ITPK1: variants seen among roughly 807,000 people sequenced by gnomAD.
ITPK1 encodes the protein inositol 1,3,4-trisphosphate 5/6-kinase.
A neutral mutation model predicts 45.3 loss-of-function variants in ITPK1; 21 were observed. The observed-to-expected ratio is 0.46, with a 90% CI of 0.33 to 0.67. The LOEUF is 0.67. Among genes scored for constraint, ITPK1 ranks in the 30% least tolerant of loss-of-function variants. ITPK1 has a pLI of 0.02. For synonymous variants in ITPK1, 258 were observed against 253.6 expected, an observed-to-expected ratio of 1.02 and a Z score of -0.16; for missense variants, 474 against 573.5, an observed-to-expected ratio of 0.83 and a Z score of 1.77.
chr14:93,055,352 C>A (rs1168947844), intron 3 of ITPK1, among the ~76,000 whole-genome samples: 1 of 152,156 alleles, frequency 6.6e-6, no homozygotes, highest in Non-Finnish European at 1.5e-5. Context: ...GCCAAAGGGT[C>A]AGCATCTCCT....
rs1891070293 is a variant in ITPK1, at chr14:93,072,691, TG to T, written c.120+3903del. 2.0e-5 allele frequency among the ~76,000 whole-genome samples: 3 copies of T among 151,870 alleles called. No individual in the cohort carries two copies. In the South Asian group the frequency reaches 6.2e-4, roughly 32 times the overall value. On this transcript the variant is annotated intron_variant, in intron 3 of 10. Transcript: ENST00000267615. Reference sequence around the variant, plus strand: ...GTGCAGTGGCACGATCTCAGTTCACTGCAGCCTCGACCTCCTGGGTTCAAGT... The same window carrying T: ...GTGCAGTGGCACGATCTCAGTTCACTCAGCCTCGACCTCCTGGGTTCAAGT...
rs1471615483 is a variant in ITPK1, at chr14:92,941,664, G to C, written c.1142C>G (p.Thr381Ser). 1 of 1,540,462 alleles carries C rather than the reference G, an allele frequency of 6.5e-7. No homozygotes were observed. The highest frequency in any genetic ancestry group is 8.7e-7 in the Non-Finnish European group (1 of 1,145,520). The change falls in exon 11 of 11, where the codon ACC becomes AGC. Residue 381 changes from threonine (T) to serine (S), a missense_variant. Transcript: ENST00000267615. ...PWKAEADAGGTAKLPHQRLGC... is the reference protein window; with the variant it reads ...PWKAEADAGGSAKLPHQRLGC... ...GAGTCTCTGGTGCGGCAGCTTGGCG[G>C]TGCCGCCCGCGTCGGCCTCAGCCTT...
chr14:93,100,355 C>T (rs574265382), intron 2 of ITPK1, among the ~76,000 whole-genome samples: 1 of 152,242 alleles, frequency 6.6e-6, no homozygotes, highest in South Asian at 2.1e-4. Flanking sequence ...AATGCTAAAA[C>T]CACCACCCTC....
chr14:93,062,638 G>C (rs1890576826), intron 3 of ITPK1, among the ~76,000 whole-genome samples: 2 of 151,164 alleles, frequency 1.3e-5, no homozygotes, highest in African/African-American at 4.9e-5. Flanking sequence ...CCTGCTTCTG[G>C]AGGGTCAGAA....
At position 93,076,557 on chromosome 14, in the gene ITPK1, A is replaced by G. The variant is rs1419926384; in HGVS notation, c.120+38T>C. ...CAGAGAGGTGGGCACCAAGGGCCCC[A>G]CTACCCAAAGAACCACGGGGACGCG... is the stretch of plus-strand genomic sequence containing the variant. On this transcript the variant is annotated intron_variant, in intron 3 of 10. Transcript: ENST00000267615. This position sits in a 1 kb window ranked among gnomAD's most constrained non-coding sequence, Gnocchi z 4.3. 6.2e-7 allele frequency: 1 copy of G among 1,613,116 alleles called. No homozygotes were observed. The highest frequency in any genetic ancestry group is 8.5e-7 in the Non-Finnish European group (1 of 1,179,276).
chr14:92,951,797 A>G, intron 9 of ITPK1, 149 bp downstream of exon 9: 1 of 631,122 alleles, frequency 1.6e-6, no homozygotes, highest in South Asian at 1.9e-5. Flanking sequence ...GGGCTCTGGA[A>G]CCTCCTGGGG....
At chr14:93,085,356 C>T (rs911879755) in intron 2 of ITPK1, among the ~76,000 whole-genome samples, 1 of 152,144 alleles carries the variant, frequency 6.6e-6, no homozygotes, top group African/African-American at 2.4e-5. Context: ...TGAAGACCCT[C>T]CCCCCGACCG....
At chr14:92,966,713 T>C (rs1406736684) in intron 5 of ITPK1, among the ~76,000 whole-genome samples, 7 of 152,222 alleles carry the variant, frequency 4.6e-5, no homozygotes, top group Non-Finnish European at 8.8e-5. Context: ...CTACAGTAAT[T>C]GAGGCAATGT....
intron 9 of ITPK1, among the ~76,000 whole-genome samples, chr14:92,947,341 C>G (rs936858900): frequency 1.3e-4 from 20 of 152,238 alleles, no homozygotes; most frequent in African/African-American, 3.1e-4. Context: ...CCCTCCCAGC[C>G]CGGCACTCCC....
At chr14:93,052,351 A>T (rs914106867) in intron 3 of ITPK1, among the ~76,000 whole-genome samples, 2 of 152,178 alleles carry the variant, frequency 1.3e-5, no homozygotes, top group Admixed American at 6.5e-5. Flanking sequence ...CAACAGACTT[A>T]GTTTCCACTA....
chr14:93,094,921 C>A (rs1892009513), intron 2 of ITPK1, among the ~76,000 whole-genome samples: 1 of 152,254 alleles, frequency 6.6e-6, no homozygotes, highest in South Asian at 2.1e-4. Context: ...ACAGGCTTGC[C>A]CGCTTTCTCC....
chr14:92,987,727 C>G (rs1886562865), intron 5 of ITPK1, among the ~76,000 whole-genome samples: 1 of 152,154 alleles, frequency 6.6e-6, no homozygotes. Flanking sequence ...AGGGGGAACG[C>G]TACAGCTGAG....
intron 3 of ITPK1, among the ~76,000 whole-genome samples, chr14:93,051,975 G>A (rs187223026): frequency 6.6e-6 from 1 of 152,328 alleles, no homozygotes; most frequent in East Asian, 1.9e-4. Context: ...TCCACTCTGA[G>A]GGCACCACCA....
At chr14:93,038,662 G>T (rs1312637553) in intron 3 of ITPK1, among the ~76,000 whole-genome samples, 1 of 152,096 alleles carries the variant, frequency 6.6e-6, no homozygotes, top group African/African-American at 2.4e-5. Context: ...CATGTAGCTG[G>T]GATTACAGGC....
At chr14:92,943,019 C>T (rs559885165) in intron 10 of ITPK1, among the ~76,000 whole-genome samples, 1 of 152,378 alleles carries the variant, frequency 6.6e-6, no homozygotes, top group East Asian at 1.9e-4. Flanking sequence ...TGCCCATGCC[C>T]TTACTTATTC....
intron 2 of ITPK1, among the ~76,000 whole-genome samples, chr14:93,081,606 A>C (rs1891435645): frequency 6.6e-6 from 1 of 152,166 alleles, no homozygotes; most frequent in African/African-American, 2.4e-5. Context: ...CTTTCAGAGG[A>C]GGAGGCTGGC....
At position 93,000,932 on chromosome 14, in the gene ITPK1, C is replaced by T. The variant is rs545985802; in HGVS notation, c.247-6935G>A. On this transcript the variant is annotated intron_variant, in intron 4 of 10. Transcript: ENST00000267615. Reference sequence around the variant, plus strand: ...GTTGCAATGAGCTGAGATTGCACCACTCCACTTCACTCCAGCCTGAGAGAT... The same window carrying T: ...GTTGCAATGAGCTGAGATTGCACCATTCCACTTCACTCCAGCCTGAGAGAT... Among the ~76,000 whole-genome samples the T allele has an allele frequency of 2.9e-5, 4 of 139,460 alleles. No individual in the cohort carries two copies. In the South Asian group the frequency reaches 9.1e-4, roughly 32 times the overall value. 91.5% of individuals were successfully genotyped at this position (139,460 alleles called of 152,430 possible).
At chr14:92,982,134 T>C (rs896508038) in intron 5 of ITPK1, among the ~76,000 whole-genome samples, 11 of 152,200 alleles carry the variant, frequency 7.2e-5, no homozygotes, top group African/African-American at 2.4e-4. Flanking sequence ...TTAAATTCCA[T>C]TGAACTTATA....
At position 93,047,158 on chromosome 14, in the gene ITPK1, T is replaced by G. The variant is rs147911183; in HGVS notation, c.120+29437A>C. ...ATTACCACCACTGCCTTTGCCAAGT[T>G]TCCATCTGTGGACTGCCCTCAACTT... On this transcript the variant is annotated intron_variant, in intron 3 of 10. Transcript: ENST00000267615. Among the ~76,000 whole-genome samples, 46 of 152,330 alleles carry G rather than the reference T, an allele frequency of 3.0e-4. 1 individual carries two copies. Among genetic ancestry groups the G allele is most frequent in the Middle Eastern group, 6.8e-3 (2 of 294 alleles).
Sources: allele counts gnomAD v4.1 joint callset (sites outside exome capture counted in the v4.1 genomes callset), GRCh38; gene constraint gnomAD v4.1.1; non-coding constraint Gnocchi (gnomAD v3.1); transcripts MANE v1.5; gene names NCBI Gene and HGNC (gene_info 2026-07-23, HGNC 2026-07-21).